Variants in GRIP1 observed in about 807,000 individuals in gnomAD.
The protein encoded by GRIP1 is glutamate receptor interacting protein 1.
Under a neutral mutation model 129.9 loss-of-function variants are expected in GRIP1, and 45 were observed. The observed-to-expected ratio is 0.35, with a 90% confidence interval of 0.27 to 0.44. The LOEUF (loss-of-function observed/expected upper bound fraction) is 0.44. GRIP1 is among the 20% of genes least tolerant of loss of function. The pLI is 1.00. For missense variants in GRIP1, 1,196 were observed against 1,396.8 expected (o/e 0.86, Z 2.29); for synonymous variants, 530 against 520.8 (o/e 1.02, Z -0.24).
At chr12:66,371,959 A>C in intron 22 of GRIP1, 32 bp from the exon 23 acceptor site, 1 of 1,359,210 alleles carries the variant, frequency 7.4e-7, no homozygotes, top group South Asian at 1.2e-5. Flanking sequence ...GAAACAATTA[A>C]GCCATGGACT....
chr12:66,690,718 A>T (rs969379412), intron 1 of GRIP1, among the ~76,000 whole-genome samples: 3 of 149,076 alleles, frequency 2.0e-5, no homozygotes, highest in East Asian at 4.1e-4. Flanking sequence ...ATTAAAAAAA[A>T]ATTTTTTCAA....
chr12:66,852,157 T>A (rs1269674202), intron 1 of GRIP1, among the ~76,000 whole-genome samples: 2 of 152,056 alleles, frequency 1.3e-5, no homozygotes, highest in African/African-American at 4.8e-5. Context: ...AAATACAAAT[T>A]CATTCTTCCA....
At chr12:66,898,010 C>A (rs1485971505) in intron 1 of GRIP1, among the ~76,000 whole-genome samples, 3 of 152,156 alleles carry the variant, frequency 2.0e-5, no homozygotes, top group African/African-American at 7.2e-5. Flanking sequence ...TCTCAAGCAA[C>A]AGTACAGTAG....
intron 1 of GRIP1, among the ~76,000 whole-genome samples, chr12:66,857,340 T>C (rs1271543424): frequency 1.3e-5 from 2 of 152,034 alleles, no homozygotes; most frequent in Admixed American, 1.3e-4. Flanking sequence ...AAAAGTATAA[T>C]AATAATAAAA....
At chr12:66,493,591 G>T (rs981882145) in intron 7 of GRIP1, among the ~76,000 whole-genome samples, 1 of 142,212 alleles carries the variant, frequency 7.0e-6, no homozygotes, top group Non-Finnish European at 1.5e-5. Flanking sequence ...TACTGTAAAA[G>T]ACCAAGGTAG....
At chr12:66,514,359 T>G (rs1416027899) in intron 7 of GRIP1, among the ~76,000 whole-genome samples, 1 of 152,156 alleles carries the variant, frequency 6.6e-6, no homozygotes, top group African/African-American at 2.4e-5. Flanking sequence ...TCTGATTTTA[T>G]CTTCATAATT....
rs527670069 is a variant in GRIP1 at position 66,692,605 on chromosome 12, T to C, written c.-419-62269A>G. ...GATACATGAAAATGAGATGATGAGATGGATTTTACAGAAGACCTGGGGCTG... is the reference window on the plus strand; with the variant it reads ...GATACATGAAAATGAGATGATGAGACGGATTTTACAGAAGACCTGGGGCTG... On this transcript the variant is annotated intron_variant, in intron 1 of 4. Coordinates refer to the GRIP1 transcript ENST00000538373. Among the ~76,000 whole-genome samples, 57 of 152,134 alleles carry C rather than the reference T, an allele frequency of 3.7e-4. No individual in the cohort carries two copies. In the East Asian group the frequency reaches 5.8e-3, roughly 15 times the overall value.
intron 2 of GRIP1, among the ~76,000 whole-genome samples, chr12:66,584,115 G>A (rs1199708847): frequency 6.7e-6 from 1 of 149,878 alleles, no homozygotes; most frequent in Non-Finnish European, 1.5e-5. Flanking sequence ...GTAGGGACAT[G>A]GATGAAACTG....
chr12:66,359,456 C>A (rs17102411), intron 23 of GRIP1, among the ~76,000 whole-genome samples: 5,857 of 152,212 alleles, frequency 0.038, 378 homozygotes, highest in African/African-American at 0.13. Flanking sequence ...AACAACACCA[C>A]CCAATGGTAG....
intron 1 of GRIP1, among the ~76,000 whole-genome samples, chr12:66,756,981 G>A (rs919978883): frequency 6.6e-6 from 1 of 152,134 alleles, no homozygotes; most frequent in Non-Finnish European, 1.5e-5. Context: ...CAGAGTAGGT[G>A]TATATATTTA....
At chr12:66,727,525 A>G (rs1201402467) in intron 1 of GRIP1, among the ~76,000 whole-genome samples, 1 of 152,232 alleles carries the variant, frequency 6.6e-6, no homozygotes, top group African/African-American at 2.4e-5. Context: ...TGCCCCAGTC[A>G]TCCCACAGAC....
chr12:66,350,645 C>T (rs777093380), intron 24 of GRIP1, among the ~76,000 whole-genome samples: 20 of 152,110 alleles, frequency 1.3e-4, no homozygotes, highest in Admixed American at 9.8e-4. Flanking sequence ...GCTCTAATAT[C>T]TCTCCTCACC....
At chr12:66,910,463 A>C (rs570674872) in intron 1 of GRIP1, among the ~76,000 whole-genome samples, 1 of 152,310 alleles carries the variant, frequency 6.6e-6, no homozygotes, top group South Asian at 2.1e-4. Context: ...TATGACCACC[A>C]AATCTGTATT....
At chr12:66,991,889 T>C (rs2135644075) in intron 1 of GRIP1, among the ~76,000 whole-genome samples, 1 of 152,316 alleles carries the variant, frequency 6.6e-6, no homozygotes, top group Non-Finnish European at 1.5e-5. Context: ...GATTCCAAAT[T>C]TACAACACTA....
chr12:66,592,848 C>T (rs567922099), intron 2 of GRIP1, among the ~76,000 whole-genome samples: 1 of 152,304 alleles, frequency 6.6e-6, no homozygotes, highest in Admixed American at 6.5e-5. Context: ...CACCAGTAAT[C>T]TGTCAAATAC....
At position 66,702,196 on chromosome 12, in the gene GRIP1, A is replaced by G. The variant is rs11829541; in HGVS notation, c.-419-71860T>C. ...CTAATCTTTAAATATTGGCCTTATT[A>G]TATTCATGATATTCCATTAAAAGGC... On this transcript the variant is annotated intron_variant, in intron 1 of 4. Transcript: ENST00000538373. Among the ~76,000 whole-genome samples, 1,083 of 152,302 alleles carry G rather than the reference A, an allele frequency of 7.1e-3. 15 individuals are homozygous for G. The highest frequency in any genetic ancestry group is 0.024 in the African/African-American group (1,005 of 41,564).
intron 1 of GRIP1, among the ~76,000 whole-genome samples, chr12:66,599,906 CTTCTTT>C (rs2064204430): frequency 2.0e-5 from 3 of 152,238 alleles, no homozygotes; most frequent in African/African-American, 7.2e-5. Context: ...CATGTTCTTT[CTTCTTT>C]ATCTTATTTC....
intron 7 of GRIP1, among the ~76,000 whole-genome samples, chr12:66,500,669 T>C (rs536317834): frequency 3.9e-5 from 6 of 152,174 alleles, no homozygotes; most frequent in Non-Finnish European, 7.4e-5. Context: ...ATCTGTGTAA[T>C]AGTCAATCAT....
At chr12:66,563,411 T>C (rs2062611277) in intron 2 of GRIP1, 1 of 152,176 alleles carries the variant, frequency 6.6e-6, no homozygotes, top group African/African-American at 2.4e-5. Context: ...CTTATGACCA[T>C]AACTGCCACA....
Sources: allele counts gnomAD v4.1 joint callset (sites outside exome capture counted in the v4.1 genomes callset), GRCh38; gene constraint gnomAD v4.1.1; transcripts MANE v1.5; gene names NCBI Gene and HGNC (gene_info 2026-07-23, HGNC 2026-07-21).